Variants in KRT17 observed in about 807,000 individuals in gnomAD.
KRT17 encodes keratin 17.
KRT17 carries 29 observed loss-of-function variants against 45.6 expected under a neutral mutation model. That is an observed-to-expected ratio of 0.64 (90% CI 0.47 to 0.87). The LOEUF (loss-of-function observed/expected upper bound fraction) is 0.87, where lower values mean the gene tolerates loss of function less well. Among genes scored for constraint, KRT17 ranks in the 40% least tolerant of loss-of-function variants. The pLI is 0.00. For missense variants in KRT17, 536 were observed against 577.8 expected (o/e 0.93, Z 0.74); for synonymous variants, 219 against 234.6 (o/e 0.93, Z 0.61).
chr17:41,621,900 T>C (rs1908556807), intron 3 of KRT17, 146 bp from the exon 4 acceptor site: 2 of 836,688 alleles, frequency 2.4e-6, no homozygotes, highest in African/African-American at 3.4e-5. Flanking sequence ...AAATGATTTT[T>C]ATTCATCTGC....
At position 41,623,151 on chromosome 17, in the gene KRT17, G is replaced by A. The variant is rs556386383; in HGVS notation, c.433-119C>T. 259 of 796,556 alleles carry A rather than the reference G, an allele frequency of 3.3e-4. 1 individual carries two copies. The highest frequency in any genetic ancestry group is 8.1e-4 in the South Asian group (57 of 70,516). The allele number at this position is 796,556 out of a possible 1,614,324, so 49.3% of individuals were successfully genotyped here. ...TCTCGCCCAGCCCCTCCCTTGCCCC[G>A]TGCTGTATTATTGGCAGAGGAGGGG... On this transcript the variant is annotated intron_variant, in intron 1 of 7. Coordinates refer to ENST00000311208, the MANE Select transcript of KRT17 (RefSeq NM_000422.3).
chr17:41,619,977 T>C (rs1262081630), intron 7 of KRT17: 11 of 985,292 alleles, frequency 1.1e-5, no homozygotes, highest in Non-Finnish European at 9.6e-6. Context: ...GTAGACTCCA[T>C]GAAATCCGTC....
rs762466393 is a variant in KRT17, at chr17:41,624,270, C to G, written c.240G>C (p.Leu80=). ...GCATGGTGGCCTTCTCACCTCCAGC[C>G]AGCAGCCCATCAACACCCCCAAAGC... ...GSSFGGVDGL[L]AGGEKATMQN... The change falls in exon 1 of 8, where the codon CTG becomes CTC. Residue 80 remains leucine (L), a synonymous_variant. Coordinates refer to ENST00000311208, the MANE Select transcript of KRT17 (RefSeq NM_000422.3). The G allele has an allele frequency of 1.1e-5, 17 of 1,612,442 alleles. No individual in the cohort carries two copies. The Admixed American group carries it at 2.8e-4, about 27-fold the overall frequency.
At position 41,624,449 on chromosome 17, in the gene KRT17, C is replaced by G. The variant is rs1366910575; in HGVS notation, c.61G>C (p.Gly21Arg). The change falls in exon 1 of 8, where the codon GGG (glycine) becomes CGG (arginine). Residue 21 changes from glycine (G) to arginine (R), a missense_variant. Gly to Arg is a moderately radical substitution (Grantham distance 125). Coordinates refer to ENST00000311208, the MANE Select transcript of KRT17 (RefSeq NM_000422.3). ...SSSIKGSSGL[G>R]GGSSRTSCRL... ...CAGGAGGTGCGGGACGAGCCGCCCC[C>G]CAGGCCGGAGGAGCCCTTGATGGAG... 6.2e-7 allele frequency: 1 copy of G among 1,610,278 alleles called. No homozygotes were observed. Among genetic ancestry groups the G allele is most frequent in the Admixed American group, 1.7e-5 (1 of 59,930 alleles).
intron 4 of KRT17, 51 bp downstream of exon 4, chr17:41,621,542 C>A: frequency 3.7e-6 from 6 of 1,609,316 alleles, no homozygotes; most frequent in Non-Finnish European, 5.1e-6. Context: ...AGTGCTAAGG[C>A]CCCTGAGCCC....
In KRT17 at chr17:41,621,799, G is replaced by T. The variant is rs372866548; in HGVS notation, c.673-45C>A. 4.3e-6 allele frequency: 7 copies of T among 1,610,458 alleles called. No homozygotes were observed. In the African/African-American group the frequency reaches 9.3e-5, roughly 21 times the overall value. ...GGATGTGCGCATCTGGACCCATCCT[G>T]ACCTCTCACTCCCAAGCCTTCCCCC... On this transcript the variant is annotated intron_variant, in intron 3 of 7. Transcript: ENST00000311208.
rs567553653 is a variant in KRT17 at position 41,621,225 on chromosome 17, A to G, written c.835-134T>C. 2,509 of 1,186,728 alleles carry G rather than the reference A, an allele frequency of 2.1e-3. 5 individuals carry two copies. Among genetic ancestry groups the G allele is most frequent in the Non-Finnish European group, 2.8e-3 (2,265 of 816,306 alleles). 73.5% of individuals were successfully genotyped at this position (1,186,728 alleles called of 1,614,324 possible). On this transcript the variant is annotated intron_variant, in intron 4 of 7. Coordinates refer to ENST00000311208, the MANE Select transcript of KRT17 (RefSeq NM_000422.3). ...ACATCCCAAAGCCCAGAAACATGCC[A>G]TTTGAAATGTTAACTTTTTATGGTT...
intron 4 of KRT17, among the ~76,000 whole-genome samples, chr17:41,621,365 C>T (rs964763308): frequency 5.3e-5 from 8 of 152,360 alleles, no homozygotes; most frequent in Non-Finnish European, 8.8e-5. Flanking sequence ...CTCCCAAGGT[C>T]TTTACCCTCT....
At chr17:41,622,125 G>T in intron 3 of KRT17, 1 of 628,612 alleles carries the variant, frequency 1.6e-6, no homozygotes, top group Non-Finnish European at 2.8e-6. Flanking sequence ...GGGAGCCTCT[G>T]CAGGCCCCTG....
In KRT17 at chr17:41,620,550, T is replaced by A. The variant is rs141710767; in HGVS notation, c.1190A>T (p.Gln397Leu). ...CAGATACTTACGTTCTTTCTTGTACTGAGTCAGGCTGAAAGAAAAAAAAAA... is the reference window on the plus strand; with the variant it reads ...CAGATACTTACGTTCTTTCTTGTACAGAGTCAGGCTGAAAGAAAAAAAAAA... Reference protein sequence around the residue: ...LLEGEDAHLTQYKKEPVTTRQ... With the variant: ...LLEGEDAHLTLYKKEPVTTRQ... Residue 397 changes from glutamine to leucine, a missense_variant, in exon 7 of 8, where the codon CAG becomes CTG. Physicochemically the swap from Gln to Leu is moderately radical, Grantham distance 113 (BLOSUM62 -2). Transcript: ENST00000311208. The A allele has an allele frequency of 1.1e-5, 17 of 1,610,814 alleles. No individual in the cohort carries two copies. In the African/African-American group the frequency reaches 2.3e-4, roughly 22 times the overall value.
Position 41,624,198 on chromosome 17 carries a change from G to C in KRT17, c.312C>G (p.Ala104=), listed in dbSNP as rs1455649907. The change falls in exon 1 of 8, where the codon GCC becomes GCG. Residue 104 remains alanine, a synonymous_variant. Coordinates refer to ENST00000311208, the MANE Select transcript of KRT17 (RefSeq NM_000422.3). The part of the protein sequence containing the change: ...RLASYLDKVR[A]LEEANTELEV... ...CCAGCTCAGTGTTGGCCTCCTCCAG[G>C]GCACGCACCTTGTCCAGGTAGGAGG... is the stretch of plus-strand genomic sequence containing the variant. 1 of 1,612,608 alleles carries C rather than the reference G, an allele frequency of 6.2e-7. No individual in the cohort carries two copies. The highest frequency in any genetic ancestry group is 2.2e-5 in the East Asian group (1 of 44,850).
chr17:41,620,188 C>A (rs1908489378), intron 7 of KRT17: 1 of 985,400 alleles, frequency 1.0e-6, no homozygotes. Flanking sequence ...ACCCCAGAGA[C>A]AGGACTGTTT....
At position 41,624,163 on chromosome 17, in the gene KRT17, A is replaced by C. The variant is rs1455000863; in HGVS notation, c.347T>G (p.Ile116Ser). ...EEANTELEVKIRDWYQRQAPG... is the reference protein window; with the variant it reads ...EEANTELEVKSRDWYQRQAPG... ...GGCCTGCCTCTGGTACCAGTCACGG[A>C]TCTTCACCTCCAGCTCAGTGTTGGC... The change falls in exon 1 of 8, where the codon ATC becomes AGC. Residue 116 changes from isoleucine to serine, a missense_variant. Transcript: ENST00000311208. 6.2e-7 allele frequency: 1 copy of C among 1,612,230 alleles called. No individual in the cohort carries two copies. The highest frequency in any genetic ancestry group is 8.5e-7 in the Non-Finnish European group (1 of 1,179,958).
In KRT17 at chr17:41,624,374, C is replaced by G; in HGVS notation, c.136G>C (p.Gly46Arg). 1 of 1,610,958 alleles carries G rather than the reference C, an allele frequency of 6.2e-7. No individual in the cohort carries two copies. Among genetic ancestry groups the G allele is most frequent in the Non-Finnish European group, 8.5e-7 (1 of 1,179,686 alleles). Reference protein sequence around the residue: ...GAGSCRLGSAGGLGSTLGGSS... With the variant: ...GAGSCRLGSARGLGSTLGGSS... ...CCCCCGAGGGTGCTGCCCAGGCCGC[C>G]AGCAGATCCCAGCCTGCAGGAGCCG... Residue 46 changes from glycine (G) to arginine (R), a missense_variant, in exon 1 of 8, where the codon GGC (glycine) becomes CGC (arginine). Physicochemically the swap from Gly to Arg is moderately radical, Grantham distance 125. Coordinates refer to ENST00000311208, the MANE Select transcript of KRT17 (RefSeq NM_000422.3).
intron 5 of KRT17, 23 bp from the exon 6 acceptor site, chr17:41,620,902 G>C (rs1597690581): frequency 6.2e-7 from 1 of 1,613,926 alleles, no homozygotes; most frequent in Non-Finnish European, 8.5e-7. Context: ...AGGAAGACCA[G>C]GGGTCAGTGA....
At position 41,621,075 on chromosome 17, in the gene KRT17, C is replaced by T. The variant is rs376512226; in HGVS notation, c.851G>A (p.Arg284His). ...CAGCTCACTGTTGGTGGCCACCTCGCGGTTCAGTTCCTCTGTCTGCAGACA... is the reference window on the plus strand; with the variant it reads ...CAGCTCACTGTTGGTGGCCACCTCGTGGTTCAGTTCCTCTGTCTGCAGACA... Reference protein sequence around the residue: ...WFFSKTEELNREVATNSELVQ... With the variant: ...WFFSKTEELNHEVATNSELVQ... Residue 284 changes from arginine (R) to histidine (H), a missense_variant, in exon 5 of 8, where the codon CGC becomes CAC. Transcript: ENST00000311208. 20 of 1,613,850 alleles carry T rather than the reference C, an allele frequency of 1.2e-5. No individual in the cohort carries two copies. Among genetic ancestry groups the T allele is most frequent in the South Asian group, 1.2e-4 (11 of 91,070 alleles).
Position 41,624,361 on chromosome 17 carries a change from C to A in KRT17, c.149G>T (p.Ser50Ile). ...GGAGTAGCTGCTACCCCCGAGGGTG[C>A]TGCCCAGGCCGCCAGCAGATCCCAG... ...CRLGSAGGLG[S>I]TLGGSSYSSC... Residue 50 changes from serine (S) to isoleucine (I), a missense_variant, in exon 1 of 8, where the codon AGC becomes ATC. Coordinates refer to ENST00000311208, the MANE Select transcript of KRT17 (RefSeq NM_000422.3). The A allele has an allele frequency of 6.2e-7, 1 of 1,611,186 alleles. No individual in the cohort carries two copies. Among genetic ancestry groups the A allele is most frequent in the Non-Finnish European group, 8.5e-7 (1 of 1,179,730 alleles).
At position 41,620,542 on chromosome 17, in the gene KRT17, T is replaced by C. The variant is rs573316872; in HGVS notation, c.1198A>G (p.Lys400Glu). 6.2e-7 allele frequency: 1 copy of C among 1,611,468 alleles called. No individual in the cohort carries two copies. Among genetic ancestry groups the C allele is most frequent in the African/African-American group, 1.3e-5 (1 of 74,768 alleles). ...GEDAHLTQYK[K>E]EPVTTRQVRT... ...AAGCCACGCAGATACTTACGTTCTT[T>C]CTTGTACTGAGTCAGGCTGAAAGAA... The change falls in exon 7 of 8, where the codon AAA becomes GAA. Residue 400 changes from lysine (K) to glutamate (E), a missense_variant. Coordinates refer to ENST00000311208, the MANE Select transcript of KRT17 (RefSeq NM_000422.3).
At chr17:41,623,229 T>C (rs1908607727) in intron 1 of KRT17, 197 bp from the exon 2 acceptor site, 1 of 561,526 alleles carries the variant, frequency 1.8e-6, no homozygotes. Flanking sequence ...CGATACTCAG[T>C]ACCCCACCAG....
Sources: gnomAD v4.1 joint callset for allele counts (sites outside exome capture counted in the v4.1 genomes callset) on GRCh38, gnomAD v4.1.1 for gene constraint, MANE v1.5 for transcripts, NCBI Gene and HGNC (gene_info 2026-07-23, HGNC 2026-07-21) for gene names.